Variants in EPG5 observed in about 807,000 individuals in gnomAD.
EPG5 encodes ectopic P granules protein 5 homolog.
Under a neutral mutation model 302.7 loss-of-function variants are expected in EPG5, and 159 were observed. That is an observed-to-expected ratio of 0.53 (90% confidence interval 0.46 to 0.60). The LOEUF is 0.60. Ranked by LOEUF, EPG5 falls within the 20% of genes least tolerant of loss-of-function variation. The pLI is 0.00. For synonymous variants in EPG5, 1,158 were observed against 1,136.8 expected (o/e 1.02, Z -0.37); for missense variants, 2,896 against 3,092.4 (o/e 0.94, Z 1.51).
Position 45,917,801 on chromosome 18 carries a change from T to C in EPG5, c.3117A>G (p.Ala1039=). 6.2e-7 allele frequency: 1 copy of C among 1,614,178 alleles called. No individual in the cohort carries two copies. Among genetic ancestry groups the C allele is most frequent in the Non-Finnish European group, 8.5e-7 (1 of 1,180,002 alleles). Reference sequence around the variant, plus strand: ...GAATTCCCAATAGTGGGATGCCTTCTGCACAGAACTTCTCAATGCTATGGA... The same window carrying C: ...GAATTCCCAATAGTGGGATGCCTTCCGCACAGAACTTCTCAATGCTATGGA... ...AVGHSIEKFC[A]EGIPLLGILV... is the part of the protein sequence containing the mutation. The change falls in exon 17 of 44, where the codon GCA becomes GCG. Residue 1039 remains alanine (A), a synonymous_variant. Transcript: ENST00000282041.
In EPG5 at chr18:45,954,798, G is replaced by C; in HGVS notation, c.604C>G (p.Pro202Ala). Reference protein sequence around the residue: ...PQNVGLQSSCPAKHGFQTPRV... With the variant: ...PQNVGLQSSCAAKHGFQTPRV... ...GGTGTCTGAAAACCATGTTTGGCTG[G>C]GCAAGAACTCTGCAAGCCAACATTC... Residue 202 changes from proline (P) to alanine (A), a missense_variant, in exon 2 of 44, where the codon CCA (proline) becomes GCA (alanine). Physicochemically the swap from Pro to Ala is conservative, Grantham distance 27. Coordinates refer to ENST00000282041, the MANE Select transcript of EPG5 (RefSeq NM_020964.3). The C allele has an allele frequency of 6.2e-7, 1 of 1,614,082 alleles. No homozygotes were observed. Among genetic ancestry groups the C allele is most frequent in the Non-Finnish European group, 8.5e-7 (1 of 1,180,010 alleles).
intron 24 of EPG5, chr18:45,907,723 A>G: frequency 2.7e-6 from 1 of 367,322 alleles, no homozygotes; most frequent in Non-Finnish European, 4.8e-6. Flanking sequence ...GGTCGTAAAA[A>G]GCCCTAGAAC....
At chr18:45,838,704 C>A in the EPG5 span, 1 of 1,561,074 alleles carries the variant, frequency 6.4e-7, no homozygotes, top group East Asian at 2.3e-5. Context: ...AGTCACCCGC[C>A]TTCTCCCCTG....
At chr18:45,943,084 C>T (rs1027143375) in intron 9 of EPG5, 77 bp downstream of exon 9, 7 of 1,392,426 alleles carry the variant, frequency 5.0e-6, no homozygotes, top group African/African-American at 1.4e-5. Context: ...CTAAAACGTC[C>T]ATCATCCCAA....
chr18:45,887,679 A>T (rs954491570), intron 29 of EPG5, 72 bp downstream of exon 29: 3 of 1,299,738 alleles, frequency 2.3e-6, no homozygotes, highest in Non-Finnish European at 3.0e-6. Context: ...GTCAATGCTG[A>T]CTATATCCAA....
intron 3 of EPG5, 121 bp from the exon 4 acceptor site, chr18:45,951,359 G>A: frequency 1.7e-6 from 1 of 592,304 alleles, no homozygotes; most frequent in East Asian, 3.5e-5. Flanking sequence ...GATAAAAGGA[G>A]AAAAGTTACA....
At chr18:45,837,516 C>T in the EPG5 span, 2 of 1,494,998 alleles carry the variant, frequency 1.3e-6, no homozygotes, top group South Asian at 1.3e-5. Context: ...CCCTCAGGCT[C>T]GCCAGCGCAG....
intron 27 of EPG5, among the ~76,000 whole-genome samples, chr18:45,892,208 A>AT (rs1221368703): frequency 6.2e-4 from 94 of 151,116 alleles, no homozygotes; most frequent in African/African-American, 2.2e-3. Flanking sequence ...AGACCCTCTC[A>AT]CAAAAAACAT....
intron 35 of EPG5, among the ~76,000 whole-genome samples, chr18:45,872,092 C>T (rs746409209): frequency 4.6e-5 from 7 of 152,024 alleles, no homozygotes; most frequent in East Asian, 1.9e-4. Context: ...ATTTTAGAAA[C>T]GGTGGAAATG....
intron 39 of EPG5, among the ~76,000 whole-genome samples, chr18:45,865,206 G>C (rs2048719511): frequency 6.6e-6 from 1 of 152,136 alleles, no homozygotes; most frequent in Non-Finnish European, 1.5e-5. Flanking sequence ...CCAGCACCCA[G>C]TTATCTTCAG....
intron 27 of EPG5, among the ~76,000 whole-genome samples, chr18:45,899,135 A>G (rs992857790): frequency 2.0e-5 from 3 of 152,148 alleles, no homozygotes; most frequent in Non-Finnish European, 1.5e-5. Context: ...AAACAAAAAA[A>G]GGAATCAGTT....
chr18:45,925,371 G>A (rs2050244843), intron 14 of EPG5, among the ~76,000 whole-genome samples: 1 of 152,204 alleles, frequency 6.6e-6, no homozygotes, highest in African/African-American at 2.4e-5. Flanking sequence ...TACTTAGGAG[G>A]CTGATGCAGG....
intron 9 of EPG5, among the ~76,000 whole-genome samples, chr18:45,941,624 A>G (rs140566682): frequency 1.2e-4 from 19 of 152,354 alleles, no homozygotes; most frequent in Non-Finnish European, 2.5e-4. Flanking sequence ...GTAAACAGTG[A>G]TCTTAAAACA....
intron 7 of EPG5, among the ~76,000 whole-genome samples, chr18:45,945,258 A>G (rs745801830): frequency 6.6e-6 from 1 of 152,182 alleles, no homozygotes; most frequent in Non-Finnish European, 1.5e-5. Context: ...AGCTATTCTC[A>G]ACTCAAAGGT....
the EPG5 span, among the ~76,000 whole-genome samples, chr18:45,829,341 G>A: frequency 1.3e-5 from 2 of 152,210 alleles, no homozygotes; most frequent in Non-Finnish European, 2.9e-5. Context: ...GGTTTGTGCT[G>A]ACAGTTGGAA....
intron 10 of EPG5, among the ~76,000 whole-genome samples, chr18:45,935,259 A>G (rs1052355430): frequency 4.6e-5 from 7 of 152,200 alleles, no homozygotes; most frequent in African/African-American, 1.4e-4. Flanking sequence ...AATTATGGAT[A>G]TGGCCGGGCG....
In EPG5 at chr18:45,943,105, T is replaced by C. The variant is rs1178603889; in HGVS notation, c.1943+56A>G. On this transcript the variant is annotated intron_variant, in intron 9 of 43. Transcript: ENST00000282041. ...CGTCCATCATCCCAATTATGCAGTA[T>C]CTGTGTCTGACCAGGGTGAAAGGAA... 10 of 1,554,790 alleles carry C rather than the reference T, an allele frequency of 6.4e-6. No homozygotes were observed. In the South Asian group the frequency reaches 8.2e-5, roughly 13 times the overall value.
At chr18:45,873,064 C>T (rs1010551405) in intron 35 of EPG5, among the ~76,000 whole-genome samples, 3 of 152,212 alleles carry the variant, frequency 2.0e-5, no homozygotes, top group African/African-American at 7.2e-5. Context: ...AGCTGCAATA[C>T]TTCTTCATCC....
the EPG5 span, chr18:45,840,274 C>G: frequency 6.2e-7 from 1 of 1,602,640 alleles, no homozygotes; most frequent in South Asian, 1.1e-5. Context: ...CCCTACCCTA[C>G]CCCACCCACC....
Sources: gnomAD v4.1 joint callset for allele counts (sites outside exome capture counted in the v4.1 genomes callset) on GRCh38, gnomAD v4.1.1 for gene constraint, MANE v1.5 for transcripts, NCBI Gene and HGNC (gene_info 2026-07-23, HGNC 2026-07-21) for gene names.